Variants in PAPSS2 observed in about 807,000 individuals in gnomAD.
PAPSS2 encodes 3'-phosphoadenosine 5'-phosphosulfate synthase 2, also known as bifunctional 3'-phosphoadenosine 5'-phosphosulfate synthase 2.
A neutral mutation model predicts 66.5 loss-of-function variants in PAPSS2; 61 were observed. The observed-to-expected ratio is 0.92, with a 90% CI of 0.75 to 1.14. PAPSS2 has a LOEUF of 1.14. PAPSS2 is among the 50% of genes most tolerant of loss of function. The pLI, the probability that PAPSS2 is intolerant of heterozygous loss-of-function variation, is 0.00. For missense variants in PAPSS2, 708 were observed against 789.6 expected (o/e 0.90, Z 1.24); for synonymous variants, 289 against 287.5 (o/e 1.01, Z -0.05).
At chr10:87,696,538 A>G (rs1853236925) in intron 1 of PAPSS2, among the ~76,000 whole-genome samples, 1 of 152,218 alleles carries the variant, frequency 6.6e-6, no homozygotes, top group Non-Finnish European at 1.5e-5. Flanking sequence ...AATATCATAG[A>G]TATGCCTATA....
intron 1 of PAPSS2, among the ~76,000 whole-genome samples, chr10:87,690,139 A>C (rs919073635): frequency 3.3e-5 from 5 of 152,226 alleles, no homozygotes; most frequent in African/African-American, 1.2e-4. Flanking sequence ...ATTAAGTATA[A>C]GGTTATTAAT....
At chr10:87,737,107 T>G (rs1853810231) in intron 9 of PAPSS2, among the ~76,000 whole-genome samples, 1 of 152,064 alleles carries the variant, frequency 6.6e-6, no homozygotes, top group South Asian at 2.1e-4. Flanking sequence ...CTGATTATGA[T>G]CAAAAGAGTA....
chr10:87,668,900 T>C (rs988488167), intron 1 of PAPSS2, among the ~76,000 whole-genome samples: 6 of 152,184 alleles, frequency 3.9e-5, no homozygotes, highest in Admixed American at 6.5e-5. Context: ...ACGTGCTCTT[T>C]GAAAGTGACC....
At chr10:87,715,607 C>T (rs1853522660) in intron 6 of PAPSS2, 125 bp from the exon 7 acceptor site, 2 of 717,754 alleles carry the variant, frequency 2.8e-6, no homozygotes, top group East Asian at 5.4e-5. Context: ...CAGGTGGGGA[C>T]ACTTAAAACA....
At chr10:87,664,136 A>G (rs1245732787) in intron 1 of PAPSS2, among the ~76,000 whole-genome samples, 1 of 152,174 alleles carries the variant, frequency 6.6e-6, no homozygotes, top group Non-Finnish European at 1.5e-5. Flanking sequence ...TGCTCTGGCC[A>G]GTCTTGAACT....
At position 87,746,394 on chromosome 10, in the gene PAPSS2, T is replaced by C. The variant is rs12249650; in HGVS notation, c.*424T>C. 0.021 allele frequency: 3,117 copies of C among 151,338 alleles called. 96 individuals are homozygous for C. Among genetic ancestry groups the C allele is most frequent in the African/African-American group, 0.072 (2,865 of 40,060 alleles). 9.4% of individuals were successfully genotyped at this position (151,338 alleles called of 1,614,324 possible). On this transcript the variant is annotated 3_prime_UTR_variant, in exon 13 of 13. Coordinates refer to ENST00000456849, the MANE Select transcript of PAPSS2 (RefSeq NM_001015880.2). Reference sequence around the variant, plus strand: ...AAATATATCAGATTGTGTCCTCTTCTGTACAATTGACAAAAAAAAAAATTT... The same window carrying C: ...AAATATATCAGATTGTGTCCTCTTCCGTACAATTGACAAAAAAAAAAATTT...
intron 1 of PAPSS2, among the ~76,000 whole-genome samples, chr10:87,676,060 A>T (rs1852942314): frequency 6.6e-6 from 1 of 150,410 alleles, no homozygotes; most frequent in South Asian, 2.1e-4. Flanking sequence ...GAATATTTAA[A>T]ATTAAATATT....
At position 87,746,075 on chromosome 10, in the gene PAPSS2, C is replaced by T; in HGVS notation, c.*105C>T. On this transcript the variant is annotated 3_prime_UTR_variant, in exon 13 of 13. Coordinates refer to ENST00000456849, the MANE Select transcript of PAPSS2 (RefSeq NM_001015880.2). ...TTGCTTCTCAATGATGCATTTTAAT[C>T]TTTTATAATGAAGTAAAAGTTGTGT... is the stretch of plus-strand genomic sequence containing the variant. 1 of 1,058,714 alleles carries T rather than the reference C, an allele frequency of 9.4e-7. No homozygotes were observed. Among genetic ancestry groups the T allele is most frequent in the Middle Eastern group, 2.7e-4 (1 of 3,704 alleles). 65.6% of individuals were successfully genotyped at this position (1,058,714 alleles called of 1,614,324 possible). A position where few individuals can be genotyped will look rare whatever the true frequency, so the allele number is the denominator to read the frequency against.
intron 7 of PAPSS2, 163 bp downstream of exon 7, chr10:87,716,006 C>G (rs1349901036): frequency 1.5e-6 from 1 of 661,800 alleles, no homozygotes; most frequent in Non-Finnish European, 2.7e-6. Context: ...TTTAAGCTTC[C>G]ATTTTTAGGA....
intron 1 of PAPSS2, among the ~76,000 whole-genome samples, chr10:87,670,055 G>A (rs141297325): frequency 1.6e-4 from 24 of 152,256 alleles, no homozygotes; most frequent in Admixed American, 2.0e-4. Flanking sequence ...GCATAAATTG[G>A]CAAATACATG....
chr10:87,684,933 G>A (rs1483758879), intron 1 of PAPSS2, among the ~76,000 whole-genome samples: 1 of 152,138 alleles, frequency 6.6e-6, no homozygotes, highest in Non-Finnish European at 1.5e-5. Flanking sequence ...TCTTTGATCT[G>A]TCTCTGTCTT....
intron 1 of PAPSS2, among the ~76,000 whole-genome samples, chr10:87,700,668 A>G (rs945563944): frequency 6.6e-6 from 1 of 151,960 alleles, no homozygotes; most frequent in Non-Finnish European, 1.5e-5. Context: ...AAAAAAAAAA[A>G]AAAAGAAAAA....
At chr10:87,665,766 G>C (rs563992632) in intron 1 of PAPSS2, among the ~76,000 whole-genome samples, 1 of 152,182 alleles carries the variant, frequency 6.6e-6, no homozygotes, top group East Asian at 1.9e-4. Flanking sequence ...ACTTGAGTGG[G>C]TTCTGGGCTT....
rs201195832 is a variant in PAPSS2, at chr10:87,715,054, G to T, written c.709G>T (p.Val237Phe). Residue 237 changes from valine to phenylalanine, a missense_variant, in exon 6 of 13, where the codon GTC (valine) becomes TTC (phenylalanine). Transcript: ENST00000456849. ...TGTGCCGGAAAACAAACTTGACCAC[G>T]TCCGAGCTGAGGCTGAAACTCTCCC... Reference protein sequence around the residue: ...LFVPENKLDHVRAEAETLPSL... With the variant: ...LFVPENKLDHFRAEAETLPSL... 5 of 1,613,212 alleles carry T rather than the reference G, an allele frequency of 3.1e-6. 1 individual carries two copies. The South Asian group carries it at 5.5e-5, about 18-fold the overall frequency.
At chr10:87,719,400 T>C (rs1337475722) in intron 7 of PAPSS2, among the ~76,000 whole-genome samples, 1 of 152,204 alleles carries the variant, frequency 6.6e-6, no homozygotes, top group Non-Finnish European at 1.5e-5. Flanking sequence ...TTTAAAAGAA[T>C]GCCTGATTCA....
intron 1 of PAPSS2, among the ~76,000 whole-genome samples, chr10:87,688,762 A>G (rs1163440424): frequency 6.6e-6 from 1 of 151,926 alleles, no homozygotes; most frequent in Non-Finnish European, 1.5e-5. Flanking sequence ...CGGCAGAACT[A>G]TGGAAATTTC....
chr10:87,698,797 G>A (rs1047896024), intron 1 of PAPSS2, among the ~76,000 whole-genome samples: 3 of 152,174 alleles, frequency 2.0e-5, no homozygotes, highest in African/African-American at 7.2e-5. Context: ...GAGGCAGGAC[G>A]ATTGCTTGAG....
intron 9 of PAPSS2, among the ~76,000 whole-genome samples, chr10:87,734,832 C>G (rs1228515815): frequency 6.6e-6 from 1 of 151,286 alleles, no homozygotes; most frequent in Non-Finnish European, 1.5e-5. Context: ...TCTTTCCCTT[C>G]TCTCTGCTCC....
At chr10:87,715,553 C>T (rs2131711663) in intron 6 of PAPSS2, among the ~76,000 whole-genome samples, 179 bp from the exon 7 acceptor site, 1 of 152,318 alleles carries the variant, frequency 6.6e-6, no homozygotes, top group Admixed American at 6.5e-5. Flanking sequence ...TAGGAAACTT[C>T]CAAACTTAAA....
Sources: allele counts gnomAD v4.1 joint callset (sites outside exome capture counted in the v4.1 genomes callset), GRCh38; gene constraint gnomAD v4.1.1; transcripts MANE v1.5; gene names NCBI Gene and HGNC (gene_info 2026-07-23, HGNC 2026-07-21).